Variants in SLC14A2 observed in about 807,000 individuals in gnomAD.
SLC14A2 encodes urea transporter 2.
Under a neutral mutation model 104.6 loss-of-function variants are expected in SLC14A2, and 91 were observed. The observed-to-expected ratio is 0.87, with a 90% CI of 0.73 to 1.04. The LOEUF (loss-of-function observed/expected upper bound fraction) is 1.04. Among genes scored for constraint, SLC14A2 ranks in the 50% least tolerant of loss-of-function variants. The pLI is 0.00. For missense variants in SLC14A2, 1,189 were observed against 1,156.0 expected (o/e 1.03, Z -0.41); for synonymous variants, 476 against 466.4 (o/e 1.02, Z -0.27).
intron 8 of SLC14A2, among the ~76,000 whole-genome samples, chr18:45,642,091 T>A (rs1389444932): frequency 6.6e-6 from 1 of 151,746 alleles, no homozygotes; most frequent in Non-Finnish European, 1.5e-5. Context: ...AAAGGGAGAG[T>A]CAATCCCAGC....
the SLC14A2 span, among the ~76,000 whole-genome samples, chr18:45,185,056 A>C: frequency 6.6e-6 from 1 of 152,176 alleles, no homozygotes; most frequent in Non-Finnish European, 1.5e-5. Flanking sequence ...AAAAGTGAGA[A>C]TGGTGCATCA....
chr18:45,476,197 A>G (rs1035599045), intron 1 of SLC14A2, among the ~76,000 whole-genome samples: 3 of 152,064 alleles, frequency 2.0e-5, no homozygotes, highest in Non-Finnish European at 4.4e-5. Flanking sequence ...TCTCTCAGCA[A>G]TTGCTTGTCT....
At chr18:45,665,122 C>T (rs1362729112) in intron 11 of SLC14A2, among the ~76,000 whole-genome samples, 1 of 152,214 alleles carries the variant, frequency 6.6e-6, no homozygotes. Context: ...CTCCCAAACA[C>T]ACTGGTATCT....
intron 1 of SLC14A2, among the ~76,000 whole-genome samples, chr18:45,373,838 C>T (rs1288263699): frequency 6.6e-6 from 1 of 152,112 alleles, no homozygotes; most frequent in Non-Finnish European, 1.5e-5. Flanking sequence ...AAAGAGCCAA[C>T]CCAAGTGAAG....
intron 2 of SLC14A2, among the ~76,000 whole-genome samples, chr18:45,551,230 A>G (rs2044051165): frequency 6.6e-6 from 1 of 152,230 alleles, no homozygotes; most frequent in Non-Finnish European, 1.5e-5. Flanking sequence ...ATTTTAAAAA[A>G]AAGAACTCCA....
chr18:45,333,075 T>C (rs1953515801), intron 1 of SLC14A2, among the ~76,000 whole-genome samples: 1 of 152,322 alleles, frequency 6.6e-6, no homozygotes, highest in Admixed American at 6.5e-5. Flanking sequence ...CCAACTCAAT[T>C]TGGCTTTTTT....
chr18:45,683,431 T>C lies in SLC14A2; in HGVS notation c.*912T>C, dbSNP rs2046343006. 1 of 152,218 alleles carries C rather than the reference T, an allele frequency of 6.6e-6. No homozygotes were observed. Among genetic ancestry groups the C allele is most frequent in the South Asian group, 2.1e-4 (1 of 4,830 alleles). The allele number at this position is 152,218 out of a possible 1,614,324, so 9.4% of individuals were successfully genotyped here. A position where few individuals can be genotyped will look rare whatever the true frequency, so the allele number is the denominator to read the frequency against. On this transcript the variant is annotated 3_prime_UTR_variant, in exon 20 of 20. Transcript: ENST00000255226. ...TAATTTAAGTAAAGGACAGAAGGGTTACCCAAGAAGAGGCAGGAAAATGTT... is the reference window on the plus strand; with the variant it reads ...TAATTTAAGTAAAGGACAGAAGGGTCACCCAAGAAGAGGCAGGAAAATGTT...
intron 1 of SLC14A2, among the ~76,000 whole-genome samples, chr18:45,232,049 C>A (rs1387599898): frequency 1.4e-4 from 20 of 147,762 alleles, no homozygotes; most frequent in African/African-American, 4.0e-4. Flanking sequence ...AAAAAAAAAA[C>A]AAAATGATGA....
chr18:45,287,785 G>A (rs970459840), intron 1 of SLC14A2, among the ~76,000 whole-genome samples: 3 of 152,140 alleles, frequency 2.0e-5, no homozygotes, highest in Non-Finnish European at 2.9e-5. Flanking sequence ...CTGCTTTGAC[G>A]TTCTTTCAGA....
At chr18:45,335,458 T>C (rs190483730) in intron 1 of SLC14A2, among the ~76,000 whole-genome samples, 3 of 104,790 alleles carry the variant, frequency 2.9e-5, no homozygotes, top group Admixed American at 1.1e-4. Context: ...AACACTATTA[T>C]ATGCAGGTAT....
chr18:45,298,049 A>G (rs909013650), intron 1 of SLC14A2, among the ~76,000 whole-genome samples: 1 of 152,216 alleles, frequency 6.6e-6, no homozygotes, highest in East Asian at 1.9e-4. Context: ...TCAAAGACAA[A>G]TTTACTTCAT....
the SLC14A2 span, among the ~76,000 whole-genome samples, chr18:45,192,971 T>C: frequency 4.6e-5 from 7 of 152,162 alleles, no homozygotes; most frequent in Non-Finnish European, 1.0e-4. Flanking sequence ...TAGTGGTATC[T>C]TATTATGGCT....
intron 1 of SLC14A2, among the ~76,000 whole-genome samples, chr18:45,320,022 G>A (rs55795536): frequency 0.092 from 13,943 of 152,176 alleles, 739 homozygotes; most frequent in South Asian, 0.12. Context: ...CTTCCCAGGC[G>A]TTGGGAGACC....
rs73953235 is a variant in SLC14A2 at position 45,601,015 on chromosome 18, G to A, written c.-34-23616G>A. 3.1e-3 allele frequency among the ~76,000 whole-genome samples: 469 copies of A among 152,226 alleles called. 5 individuals carry two copies. Among genetic ancestry groups the A allele is most frequent in the African/African-American group, 0.011 (460 of 41,524 alleles). ...TAATGCAGTGAAGTAGGATAGGATGGGAGGGGGGACCAAGACTCAAACTCA... is the reference window on the plus strand; with the variant it reads ...TAATGCAGTGAAGTAGGATAGGATGAGAGGGGGGACCAAGACTCAAACTCA... On this transcript the variant is annotated intron_variant, in intron 2 of 20. Coordinates refer to the SLC14A2 transcript ENST00000586448.
At chr18:45,506,453 A>C (rs1479007468) in intron 2 of SLC14A2, among the ~76,000 whole-genome samples, 5 of 152,198 alleles carry the variant, frequency 3.3e-5, no homozygotes, top group South Asian at 2.1e-4. Flanking sequence ...GAACCTTGGA[A>C]TGTGAATTTA....
At chr18:45,481,417 A>C (rs1421188) in intron 1 of SLC14A2, among the ~76,000 whole-genome samples, 6,683 of 152,242 alleles carry the variant, frequency 0.044, 235 homozygotes, top group Admixed American at 0.09. Flanking sequence ...TACTGCAATT[A>C]ATATGGATTT....
intron 1 of SLC14A2, among the ~76,000 whole-genome samples, chr18:45,364,559 C>T (rs2085647969): frequency 6.6e-6 from 1 of 152,010 alleles, no homozygotes; most frequent in Admixed American, 6.5e-5. Context: ...TGTGTATACA[C>T]AAAAATGTAT....
intron 2 of SLC14A2, among the ~76,000 whole-genome samples, chr18:45,558,602 T>C (rs2705375): frequency 0.93 from 141,579 of 152,274 alleles, 66,020 homozygotes; most frequent in Middle Eastern, 0.97. Flanking sequence ...TGAGTTTTAG[T>C]CTCACTGGGG....
chr18:45,294,269 G>T (rs1290072595), intron 1 of SLC14A2, among the ~76,000 whole-genome samples: 3 of 152,158 alleles, frequency 2.0e-5, no homozygotes, highest in Admixed American at 2.0e-4. Context: ...TTTTACTGAA[G>T]AAAGTAAATT....
Sources: allele counts gnomAD v4.1 joint callset (sites outside exome capture counted in the v4.1 genomes callset), GRCh38; gene constraint gnomAD v4.1.1; transcripts MANE v1.5; gene names NCBI Gene and HGNC (gene_info 2026-07-23, HGNC 2026-07-21).